The following RMDN2 variants were observed in gnomAD, a reference collection of about 807,000 sequenced individuals.
RMDN2 encodes the protein regulator of microtubule dynamics protein 2.
Under a neutral mutation model 52.8 loss-of-function variants are expected in RMDN2, and 61 were observed. The ratio of observed to expected loss-of-function variants is 1.16; its 90% CI spans 0.94 to 1.43. The LOEUF (loss-of-function observed/expected upper bound fraction) is 1.43. Ranked by LOEUF, RMDN2 falls within the 40% of genes most tolerant of loss-of-function variation. The probability of loss-of-function intolerance (pLI) is 0.00; values close to 1 mark genes in which losing one functional copy is unlikely to be tolerated. For missense variants in RMDN2, 592 were observed against 475.3 expected (o/e 1.25, Z -2.28); for synonymous variants, 180 against 153.1 (o/e 1.18, Z -1.30).
intron 5 of RMDN2, among the ~76,000 whole-genome samples, chr2:37,985,867 A>G (rs781081086): frequency 3.9e-5 from 6 of 152,190 alleles, no homozygotes; most frequent in Admixed American, 1.3e-4. Flanking sequence ...TGAATAAAAT[A>G]TAGATTTTAG....
chr2:37,962,464 G>A (rs1354963551), intron 2 of RMDN2, among the ~76,000 whole-genome samples: 2 of 152,180 alleles, frequency 1.3e-5, no homozygotes, highest in African/African-American at 2.4e-5. Context: ...CACCCAGTCC[G>A]AACTTCTGGT....
At chr2:38,067,110 G>A in exon 11 of RMDN2, 1 of 970,088 alleles carries the variant, frequency 1.0e-6, no homozygotes, top group Non-Finnish European at 1.6e-6. Context: ...CAAGTAAAAA[G>A]ATTGGCAATA....
At chr2:38,013,242 A>G (rs1352573073) in intron 10 of RMDN2, among the ~76,000 whole-genome samples, 1 of 152,246 alleles carries the variant, frequency 6.6e-6, no homozygotes. Flanking sequence ...AGGCAGTATT[A>G]AAGTTCATCA....
chr2:37,950,312 C>A, intron 2 of RMDN2: 1 of 714,082 alleles, frequency 1.4e-6, no homozygotes, highest in Non-Finnish European at 2.3e-6. Flanking sequence ...TTGGATGACT[C>A]CTCCAACAGT....
chr2:38,054,479 G>A (rs911292958), intron 10 of RMDN2, among the ~76,000 whole-genome samples: 1 of 152,146 alleles, frequency 6.6e-6, no homozygotes, highest in African/African-American at 2.4e-5. Flanking sequence ...CACATCATAG[G>A]TGATGCATTA....
At chr2:37,994,910 A>G (rs1675304356) in intron 7 of RMDN2, among the ~76,000 whole-genome samples, 1 of 152,214 alleles carries the variant, frequency 6.6e-6, no homozygotes, top group African/African-American at 2.4e-5. Context: ...CTCACAGAAG[A>G]CTACCTAATT....
intron 10 of RMDN2, among the ~76,000 whole-genome samples, chr2:38,015,660 G>A (rs1057339708): frequency 6.6e-6 from 1 of 152,146 alleles, no homozygotes; most frequent in African/African-American, 2.4e-5. Context: ...ACCCATCTCA[G>A]AGGAAGCTGC....
At chr2:38,066,802 T>C in intron 10 of RMDN2, 1 of 578,328 alleles carries the variant, frequency 1.7e-6, no homozygotes, top group South Asian at 2.4e-5. Flanking sequence ...TTTCCTTCAC[T>C]TATTCTTAAC....
chr2:38,064,395 C>G lies in RMDN2; in HGVS notation c.1714-2587C>G, dbSNP rs577413521. Among the ~76,000 whole-genome samples the G allele has an allele frequency of 5.9e-5, 9 of 151,814 alleles. No homozygotes were observed. The South Asian group carries it at 1.9e-3, about 32-fold the overall frequency. ...GTCCCAGCTACTCGGGGGGCTGAGA[C>G]AGGAGAATCACTTGAACCTGGGAGG... On this transcript the variant is annotated intron_variant, in intron 10 of 10. Transcript: ENST00000234195.
chr2:37,981,073 C>T (rs905173754), intron 4 of RMDN2, among the ~76,000 whole-genome samples: 44 of 152,172 alleles, frequency 2.9e-4, no homozygotes, highest in Non-Finnish European at 4.4e-4. Context: ...TCATTGGAGG[C>T]TCATTAAACC....
At chr2:38,015,617 T>C (rs772017025) in intron 10 of RMDN2, among the ~76,000 whole-genome samples, 4 of 152,064 alleles carry the variant, frequency 2.6e-5, no homozygotes, top group African/African-American at 9.7e-5. Context: ...GATAATGCTT[T>C]GGATTTTACT....
At chr2:37,984,874 A>T (rs1013924825) in intron 5 of RMDN2, among the ~76,000 whole-genome samples, 20 of 152,026 alleles carry the variant, frequency 1.3e-4, no homozygotes, top group African/African-American at 4.8e-4. Context: ...AGTATTTTAA[A>T]TGAACAGTAT....
In RMDN2 at chr2:38,014,950, T is replaced by G. The variant is rs1678539562; in HGVS notation, c.1180-2236T>G. 3.3e-5 allele frequency among the ~76,000 whole-genome samples: 5 copies of G among 152,340 alleles called. No homozygotes were observed. In the South Asian group the frequency reaches 1.0e-3, roughly 32 times the overall value. On this transcript the variant is annotated intron_variant, in intron 10 of 10. Transcript: ENST00000354545. ...AGAAAATAAAACTGGTACTGCAACT[T>G]GGGCCATGGGCCAGGAAAGGTCATC...
At chr2:37,989,676 T>C in intron 6 of RMDN2, 60 bp downstream of exon 6, 1 of 1,131,628 alleles carries the variant, frequency 8.8e-7, no homozygotes, top group Non-Finnish European at 1.3e-6. Context: ...AGGGTATTTA[T>C]TAATAATAAA....
chr2:38,050,071 C>T (rs1225855622), intron 10 of RMDN2, among the ~76,000 whole-genome samples: 1 of 152,146 alleles, frequency 6.6e-6, no homozygotes, highest in Admixed American at 6.5e-5. Context: ...CATGAGGAAA[C>T]AGCCACTTGA....
At chr2:38,033,204 G>A (rs1249464462) in intron 10 of RMDN2, 2 of 152,156 alleles carry the variant, frequency 1.3e-5, no homozygotes, top group Non-Finnish European at 2.9e-5. Context: ...CACCAAATTT[G>A]AAAATTCTAT....
intron 4 of RMDN2, among the ~76,000 whole-genome samples, chr2:37,977,052 A>C (rs1180136214): frequency 1.1e-4 from 17 of 152,120 alleles, no homozygotes; most frequent in Non-Finnish European, 2.2e-4. Context: ...GATGACTCTG[A>C]ACGAGCATGC....
chr2:38,016,901 C>G lies in RMDN2; in HGVS notation c.1180-285C>G, dbSNP rs1482080671. Among the ~76,000 whole-genome samples the G allele has an allele frequency of 3.3e-5, 5 of 151,730 alleles. No homozygotes were observed. In the East Asian group the frequency reaches 7.7e-4, roughly 23 times the overall value. ...AAATAAACATGATAAACCCTTTACT[C>G]ATAGAGCGACACTCCAGGACATGTG... On this transcript the variant is annotated intron_variant, in intron 10 of 10. Coordinates refer to ENST00000354545, the MANE Select transcript of RMDN2 (RefSeq NM_001170791.3).
Position 37,974,416 on chromosome 2 carries a change from G to C in RMDN2, c.627+202G>C, listed in dbSNP as rs770948127. On this transcript the variant is annotated intron_variant, in intron 3 of 10. Transcript: ENST00000354545. ...AAATTTTAAAAAAGTAAATGTAAAAGTTTATTAGACTCTAAGGTCATAAAA... is the reference window on the plus strand; with the variant it reads ...AAATTTTAAAAAAGTAAATGTAAAACTTTATTAGACTCTAAGGTCATAAAA... Among the ~76,000 whole-genome samples, 53 of 150,738 alleles carry C rather than the reference G, an allele frequency of 3.5e-4. 1 individual carries two copies. The highest frequency in any genetic ancestry group is 6.8e-3 in the Middle Eastern group (2 of 292).
Sources: allele counts gnomAD v4.1 joint callset (sites outside exome capture counted in the v4.1 genomes callset), GRCh38; gene constraint gnomAD v4.1.1; transcripts MANE v1.5; gene names NCBI Gene and HGNC (gene_info 2026-07-23, HGNC 2026-07-21).